XRN1: variants seen among roughly 807,000 people sequenced by gnomAD.
XRN1 encodes the protein strand-exchange protein 1 homolog.
Under a neutral mutation model 222.3 loss-of-function variants are expected in XRN1, and 67 were observed. That is an observed-to-expected ratio of 0.30 (90% confidence interval 0.25 to 0.37). The LOEUF is 0.37. Ranked by LOEUF, XRN1 falls within the 10% of genes least tolerant of loss-of-function variation. The pLI is 1.00. For missense variants in XRN1, 1,707 were observed against 2,000.2 expected, an observed-to-expected ratio of 0.85 and a Z score of 2.80; for synonymous variants, 643 against 652.4, an observed-to-expected ratio of 0.99 and a Z score of 0.22.
intron 37 of XRN1, among the ~76,000 whole-genome samples, chr3:142,326,813 T>C (rs541660944): frequency 4.9e-4 from 75 of 152,272 alleles, no homozygotes; most frequent in African/African-American, 1.8e-3. Flanking sequence ...CCCAGTTTGT[T>C]GAGAGCTGTT....
rs561000517 is a variant in XRN1 at position 142,344,079 on chromosome 3, G to A, written c.3877+3155C>T. Among the ~76,000 whole-genome samples, 333 of 148,624 alleles carry A rather than the reference G, an allele frequency of 2.2e-3. 1 individual carries two copies. The highest frequency in any genetic ancestry group is 7.6e-3 in the African/African-American group (305 of 40,382). On this transcript the variant is annotated intron_variant, in intron 33 of 40. Coordinates refer to ENST00000392981, the MANE Select transcript of XRN1 (RefSeq NM_001282857.2). ...AAATAGAGTAGAAGGATGGTTACTAGAGGCTGGGAAGAGTAGTGGGGGGGA... is the reference window on the plus strand; with the variant it reads ...AAATAGAGTAGAAGGATGGTTACTAAAGGCTGGGAAGAGTAGTGGGGGGGA...
chr3:142,356,794 C>G, intron 31 of XRN1, 118 bp downstream of exon 31: 1 of 1,149,828 alleles, frequency 8.7e-7, no homozygotes, highest in Non-Finnish European at 1.2e-6. Flanking sequence ...TGACCTGAGC[C>G]AAAACTTTTT....
chr3:142,384,568 C>T lies in XRN1; in HGVS notation c.2457G>A (p.Gln819=), dbSNP rs772699059. 2 of 1,612,718 alleles carry T rather than the reference C, an allele frequency of 1.2e-6. 1 individual carries two copies. Among genetic ancestry groups the T allele is most frequent in the South Asian group, 2.2e-5 (2 of 90,850 alleles). ...CAAAAGGAACAACTTGTTTTGACCA[C>T]TGTTTCTCTAGACGAACTTCACCAT... ...NQNGEVRLEK[Q]WSKQVVPFVY... Residue 819 remains glutamine (Q), a synonymous_variant, in exon 21 of 41, where the codon CAG becomes CAA. Coordinates refer to ENST00000392981, the MANE Select transcript of XRN1 (RefSeq NM_001282857.2).
chr3:142,423,632 C>G lies in XRN1; in HGVS notation c.638G>C (p.Gly213Ala). The G allele has an allele frequency of 6.3e-7, 1 of 1,587,644 alleles. No individual in the cohort carries two copies. Residue 213 changes from glycine to alanine, a missense_variant, in exon 6 of 41, where the codon GGA (glycine) becomes GCA (alanine). Gly to Ala is a moderately conservative substitution (Grantham distance 60, BLOSUM62 0). Coordinates refer to ENST00000392981, the MANE Select transcript of XRN1 (RefSeq NM_001282857.2). ...AAAATGTGCCTCATGACTTGTTAAT[C>G]CAAGCATAATCTGTTGAAAAATGAT... ...YGLDADLIML[G>A]LTSHEAHFSL...
At chr3:142,336,933 A>G (rs2107938548) in intron 33 of XRN1, among the ~76,000 whole-genome samples, 1 of 152,268 alleles carries the variant, frequency 6.6e-6, no homozygotes, top group South Asian at 2.1e-4. Flanking sequence ...AAAATAAACC[A>G]AAATAACATA....
chr3:142,341,736 A>G (rs987000102), intron 33 of XRN1, among the ~76,000 whole-genome samples: 3 of 152,190 alleles, frequency 2.0e-5, no homozygotes, highest in Non-Finnish European at 4.4e-5. Context: ...AAGTTATCCA[A>G]TGTCAATGGA....
chr3:142,405,017 T>C lies in XRN1; in HGVS notation c.1773A>G (p.Lys591=). The C allele has an allele frequency of 6.2e-7, 1 of 1,614,054 alleles. No homozygotes were observed. The highest frequency in any genetic ancestry group is 2.2e-5 in the East Asian group (1 of 44,876). ...CNHSLKKEER[K]RNQHSECLMC... is the part of the protein sequence containing the mutation. The stretch of plus-strand genomic sequence containing the variant: ...TTAGGCACTCACTATGTTGGTTTCT[T>C]TTCCTCTCTTCCTTTTTGAGGGAGT... Residue 591 remains lysine (K), a synonymous_variant, in exon 16 of 41, where the codon AAA becomes AAG. Transcript: ENST00000392981.
chr3:142,422,662 T>G lies in XRN1; in HGVS notation c.887A>C (p.His296Pro), dbSNP rs540381382. ...GFLVGNDFIP[H>P]LPHLHINHDA... is the part of the protein sequence containing the mutation. ...ATGATTAATATGTAAATGAGGTAGATGAGGGATAAAATCATTACCAACAAG... is the reference window on the plus strand; with the variant it reads ...ATGATTAATATGTAAATGAGGTAGAGGAGGGATAAAATCATTACCAACAAG... The change falls in exon 8 of 41, where the codon CAT becomes CCT. Residue 296 changes from histidine (H) to proline (P), a missense_variant. Transcript: ENST00000392981. 2 of 1,613,010 alleles carry G rather than the reference T, an allele frequency of 1.2e-6. No individual in the cohort carries two copies. Among genetic ancestry groups the G allele is most frequent in the East Asian group, 4.5e-5 (2 of 44,796 alleles).
intron 29 of XRN1, among the ~76,000 whole-genome samples, chr3:142,361,337 G>A (rs2107846327): frequency 6.6e-6 from 1 of 152,280 alleles, no homozygotes; most frequent in South Asian, 2.1e-4. Flanking sequence ...TACATATAAA[G>A]CTGCTATGAA....
chr3:142,371,734 T>G (rs2066997188), intron 25 of XRN1, among the ~76,000 whole-genome samples: 1 of 152,224 alleles, frequency 6.6e-6, no homozygotes, highest in South Asian at 2.1e-4. Context: ...CATTTCTTTC[T>G]GAAGAGTGCA....
intron 33 of XRN1, among the ~76,000 whole-genome samples, chr3:142,339,809 A>C (rs1310317639): frequency 6.6e-6 from 1 of 152,174 alleles, no homozygotes; most frequent in East Asian, 1.9e-4. Context: ...AAACAAAAAC[A>C]AAAAACAAAA....
Position 142,365,170 on chromosome 3 carries a change from G to T in XRN1, c.3271C>A (p.Gln1091Lys), listed in dbSNP as rs1325035326. 1 of 1,610,248 alleles carries T rather than the reference G, an allele frequency of 6.2e-7. No individual in the cohort carries two copies. The highest frequency in any genetic ancestry group is 1.1e-5 in the South Asian group (1 of 90,158). ...CGATCAGGAATGACTCCATGTTGCT[G>T]TTCTAAAGGCTGAAGAGAAGAAAGC... ...KPHLLYRPLE[Q>K]QHGVIPDRDA... The change falls in exon 29 of 41, where the codon CAG becomes AAG. Residue 1091 changes from glutamine (Q) to lysine (K), a missense_variant. By Grantham distance (53) the Gln-to-Lys change is moderately conservative. Coordinates refer to ENST00000392981, the MANE Select transcript of XRN1 (RefSeq NM_001282857.2).
intron 21 of XRN1, 72 bp from the exon 22 acceptor site, chr3:142,383,485 G>A: frequency 8.0e-7 from 1 of 1,250,980 alleles, no homozygotes; most frequent in South Asian, 1.3e-5. Flanking sequence ...TTTCCTATGG[G>A]ATTATGACTA....
At chr3:142,439,402 C>T (rs2070091438) in intron 1 of XRN1, among the ~76,000 whole-genome samples, 1 of 152,172 alleles carries the variant, frequency 6.6e-6, no homozygotes, top group African/African-American at 2.4e-5. Context: ...GAGATTGGTG[C>T]CGCAGACATC....
intron 15 of XRN1, among the ~76,000 whole-genome samples, chr3:142,409,849 T>C (rs1433168432): frequency 6.6e-6 from 1 of 152,222 alleles, no homozygotes; most frequent in Non-Finnish European, 1.5e-5. Flanking sequence ...TCCACATATG[T>C]TGTTAAGTTT....
At chr3:142,384,470 T>C (rs2067422718) in intron 21 of XRN1, 53 bp downstream of exon 21, 1 of 1,383,572 alleles carries the variant, frequency 7.2e-7, no homozygotes, top group South Asian at 1.4e-5. Context: ...ATACAGTGAA[T>C]AGTGTATTAA....
At chr3:142,442,407 T>C (rs1214130528) in intron 1 of XRN1, among the ~76,000 whole-genome samples, 2 of 152,168 alleles carry the variant, frequency 1.3e-5, no homozygotes, top group Non-Finnish European at 2.9e-5. Flanking sequence ...ACCCCTAGTA[T>C]GGGGTAATCC....
At chr3:142,343,319 T>C (rs1358187509) in intron 33 of XRN1, among the ~76,000 whole-genome samples, 1 of 151,944 alleles carries the variant, frequency 6.6e-6, no homozygotes, top group Non-Finnish European at 1.5e-5. Context: ...CCAGGCGTGG[T>C]GGCACACGCC....
At chr3:142,333,416 A>T (rs1038983066) in intron 34 of XRN1, among the ~76,000 whole-genome samples, 8 of 152,138 alleles carry the variant, frequency 5.3e-5, no homozygotes, top group African/African-American at 1.9e-4. Flanking sequence ...AATATGTAAT[A>T]GTGTTCTAAA....
Sources: allele counts gnomAD v4.1 joint callset (sites outside exome capture counted in the v4.1 genomes callset), GRCh38; gene constraint gnomAD v4.1.1; transcripts MANE v1.5; gene names NCBI Gene and HGNC (gene_info 2026-07-23, HGNC 2026-07-21).